ELMO1: variants seen among roughly 807,000 people sequenced by gnomAD.
ELMO1 encodes engulfment and cell motility 1.
In ELMO1, 26 loss-of-function variants were observed where a neutral mutation model predicts 98.9. The ratio of observed to expected loss-of-function variants is 0.26; its 90% CI spans 0.19 to 0.36. ELMO1 has a LOEUF of 0.36. Ranked by LOEUF, ELMO1 falls within the 10% of genes least tolerant of loss-of-function variation. The probability of loss-of-function intolerance (pLI) is 1.00; values close to 1 mark genes in which losing one functional copy is unlikely to be tolerated. For synonymous variants in ELMO1, 346 were observed against 346.0 expected, an observed-to-expected ratio of 1.00 and a Z score of 0.00; for missense variants, 627 against 935.2, an observed-to-expected ratio of 0.67 and a Z score of 4.30.
At chr7:37,196,161 G>C (rs528714480) in intron 13 of ELMO1, among the ~76,000 whole-genome samples, 1 of 152,172 alleles carries the variant, frequency 6.6e-6, no homozygotes, top group Non-Finnish European at 1.5e-5. Context: ...TGGAGACAAG[G>C]CCTCTTGGAT....
At chr7:36,952,076 G>A (rs905298451) in intron 16 of ELMO1, among the ~76,000 whole-genome samples, 4 of 152,204 alleles carry the variant, frequency 2.6e-5, no homozygotes, top group South Asian at 2.1e-4. Flanking sequence ...GTCCCCAGAC[G>A]GAGGGGGCAT....
At chr7:37,081,629 T>G (rs1464403515) in intron 15 of ELMO1, among the ~76,000 whole-genome samples, 1 of 152,202 alleles carries the variant, frequency 6.6e-6, no homozygotes, top group Non-Finnish European at 1.5e-5. Flanking sequence ...CACTTGGCTC[T>G]CATTCCCTCT....
intron 1 of ELMO1, among the ~76,000 whole-genome samples, chr7:37,410,368 G>T (rs1330559426): frequency 2.0e-4 from 30 of 152,152 alleles, no homozygotes; most frequent in Admixed American, 2.0e-3. Context: ...ATTTAATTCA[G>T]TTCCTTGATC....
chr7:36,940,050 G>A (rs1189344806), intron 16 of ELMO1, among the ~76,000 whole-genome samples: 2 of 152,200 alleles, frequency 1.3e-5, no homozygotes, highest in African/African-American at 2.4e-5. Flanking sequence ...TCAAGACTTT[G>A]TAAACGGGAA....
intron 13 of ELMO1, among the ~76,000 whole-genome samples, chr7:37,154,529 C>T (rs1236123751): frequency 6.6e-6 from 1 of 152,070 alleles, no homozygotes; most frequent in Non-Finnish European, 1.5e-5. Flanking sequence ...ACACAAGCTT[C>T]AATAGCCGAT....
chr7:36,947,083 C>A (rs996036656), intron 16 of ELMO1, among the ~76,000 whole-genome samples: 21 of 152,300 alleles, frequency 1.4e-4, no homozygotes, highest in African/African-American at 5.1e-4. Flanking sequence ...AAATAGTGAG[C>A]ACAGTACCCA....
intron 1 of ELMO1, chr7:37,343,226 T>G (rs1342560492): frequency 6.5e-6 from 1 of 153,886 alleles, no homozygotes; most frequent in Non-Finnish European, 1.4e-5. Flanking sequence ...CACAAACAGA[T>G]CTCCACACTA....
intron 16 of ELMO1, among the ~76,000 whole-genome samples, chr7:37,004,155 G>C (rs187105617): frequency 6.6e-5 from 10 of 152,166 alleles, no homozygotes; most frequent in Admixed American, 6.5e-4. Flanking sequence ...GTTCCTATCT[G>C]CCCTTTAATT....
intron 1 of ELMO1, among the ~76,000 whole-genome samples, chr7:37,428,412 T>C (rs1372369496): frequency 1.3e-5 from 2 of 152,168 alleles, no homozygotes; most frequent in African/African-American, 2.4e-5. Context: ...CTTGACTAAA[T>C]GGAACATTCA....
chr7:37,022,964 G>T (rs1794359030), intron 15 of ELMO1, among the ~76,000 whole-genome samples: 1 of 152,204 alleles, frequency 6.6e-6, no homozygotes, highest in African/African-American at 2.4e-5. Context: ...TAGCATGAAT[G>T]AACTGAAACA....
intron 15 of ELMO1, among the ~76,000 whole-genome samples, chr7:37,038,788 G>A (rs1322229149): frequency 1.3e-5 from 2 of 152,296 alleles, no homozygotes; most frequent in East Asian, 3.9e-4. Flanking sequence ...AGCATGGTTG[G>A]GTTCTGGTGA....
At chr7:37,206,316 T>C (rs1453977687) in intron 13 of ELMO1, among the ~76,000 whole-genome samples, 2 of 152,196 alleles carry the variant, frequency 1.3e-5, no homozygotes, top group African/African-American at 2.4e-5. Context: ...AAATGTCAAG[T>C]ACCTTGCCCA....
intron 4 of ELMO1, among the ~76,000 whole-genome samples, chr7:37,310,609 T>C (rs567669861): frequency 3.3e-5 from 5 of 152,336 alleles, no homozygotes; most frequent in Non-Finnish European, 7.3e-5. Context: ...CCAGTGTTCA[T>C]AGTCTGTAAC....
At chr7:37,194,328 C>A (rs1356934866) in intron 13 of ELMO1, among the ~76,000 whole-genome samples, 2 of 152,244 alleles carry the variant, frequency 1.3e-5, no homozygotes, top group Non-Finnish European at 2.9e-5. Context: ...CATCTCCTAT[C>A]TGCAGAAAGA....
intron 16 of ELMO1, among the ~76,000 whole-genome samples, chr7:36,897,304 T>C (rs564796797): frequency 1.3e-3 from 52 of 39,986 alleles, no homozygotes; most frequent in South Asian, 5.8e-3. Flanking sequence ...CCAATGTCAG[T>C]AGTAGGACAA....
At chr7:37,292,665 C>T (rs1253031933) in intron 4 of ELMO1, among the ~76,000 whole-genome samples, 46 of 93,062 alleles carry the variant, frequency 4.9e-4, no homozygotes, top group Non-Finnish European at 6.4e-4. Flanking sequence ...GGAGCCCCTC[C>T]GCCCAGCAGC....
intron 1 of ELMO1, among the ~76,000 whole-genome samples, chr7:37,351,919 G>A (rs1463936611): frequency 1.3e-5 from 2 of 152,210 alleles, no homozygotes; most frequent in African/African-American, 4.8e-5. Context: ...TTTCCTCTGT[G>A]GGACTGCTAT....
At chr7:36,947,840 C>T (rs1164174442) in intron 16 of ELMO1, among the ~76,000 whole-genome samples, 1 of 152,168 alleles carries the variant, frequency 6.6e-6, no homozygotes, top group African/African-American at 2.4e-5. Flanking sequence ...TGTCCCATCA[C>T]CTCCCCACAA....
intron 4 of ELMO1, among the ~76,000 whole-genome samples, chr7:37,301,767 T>C (rs1798362743): frequency 6.6e-6 from 1 of 152,152 alleles, no homozygotes; most frequent in South Asian, 2.1e-4. Context: ...AATATCAAAG[T>C]GCCAAATAAA....
Sources: allele counts gnomAD v4.1 joint callset (sites outside exome capture counted in the v4.1 genomes callset), GRCh38; gene constraint gnomAD v4.1.1; transcripts MANE v1.5; gene names NCBI Gene and HGNC (gene_info 2026-07-23, HGNC 2026-07-21).